Variants in USP9Y observed in about 807,000 individuals in gnomAD.
USP9Y encodes the protein ubiquitin specific peptidase 9 Y-linked, also known as ubiquitin carboxyl-terminal hydrolase 9Y.
In USP9Y, 41 loss-of-function variants were observed where a neutral mutation model predicts 53.1. The ratio of observed to expected loss-of-function variants is 0.77; its 90% CI spans 0.60 to 1.00. USP9Y has a LOEUF of 1.00. Ranked by LOEUF, USP9Y falls within the 50% of genes least tolerant of loss-of-function variation. The pLI is 0.00. For synonymous variants in USP9Y, 220 were observed against 173.7 expected, an observed-to-expected ratio of 1.27 and a Z score of -2.09; for missense variants, 567 against 535.8, an observed-to-expected ratio of 1.06 and a Z score of -0.58.
Position 12,860,097 on chromosome Y carries a change from C to T in USP9Y, c.*681C>T, listed in dbSNP as rs2053582654. 1 of 33,262 alleles carries T rather than the reference C, an allele frequency of 3.0e-5. No individual in the cohort carries two copies. The highest frequency in any genetic ancestry group is 7.4e-5 in the Non-Finnish European group (1 of 13,499). The allele number at this position is 33,262 out of a possible 400,897, so 8.3% of individuals were successfully genotyped here. A position where few individuals can be genotyped will look rare whatever the true frequency, so the allele number is the denominator to read the frequency against. On this transcript the variant is annotated 3_prime_UTR_variant, in exon 46 of 46. Transcript: ENST00000338981. ...GGACAGAATTACATGAATGACAGTGCCCAGAGTGACAGCTGTATATTGCTC... is the reference window on the plus strand; with the variant it reads ...GGACAGAATTACATGAATGACAGTGTCCAGAGTGACAGCTGTATATTGCTC...
intron 7 of USP9Y, among the ~76,000 whole-genome samples, chrY:12,733,295 A>G (rs746779298): frequency 3.6e-5 from 1 of 27,547 alleles, no homozygotes; most frequent in South Asian, 8.3e-4. Flanking sequence ...AAAAAAAAAG[A>G]TTTATTTTAT....
chrY:12,826,208 G>A, intron 33 of USP9Y, among the ~76,000 whole-genome samples: 5 of 31,488 alleles, frequency 1.6e-4, no homozygotes, highest in African/African-American at 6.2e-4. Flanking sequence ...AAAGCGCTGG[G>A]ATTACAGGCA....
chrY:12,745,429 T>C (rs2053460054), intron 12 of USP9Y, among the ~76,000 whole-genome samples: 1 of 33,080 alleles, frequency 3.0e-5, no homozygotes, highest in Non-Finnish European at 7.4e-5. Context: ...GAGCATGGTG[T>C]TCCTAGGGCT....
rs2053416188 is a variant in USP9Y at position 12,701,803 on chromosome Y, A to G, written c.-373A>G. ...GGAAACAGTTTAAAGGATATATGTG[A>G]TACTATTAATAGAATGAGGAAGACA... On this transcript the variant is annotated 5_prime_UTR_variant, in exon 1 of 46. An upstream open reading frame in the 5' UTR loses its in-frame stop. Transcript: ENST00000338981. 1 of 33,683 alleles carries G rather than the reference A, an allele frequency of 3.0e-5. No homozygotes were observed. Among genetic ancestry groups the G allele is most frequent in the African/African-American group, 1.2e-4 (1 of 8,571 alleles). The allele number at this position is 33,683 out of a possible 400,897, so 8.4% of individuals were successfully genotyped here. A position where few individuals can be genotyped will look rare whatever the true frequency, so the allele number is the denominator to read the frequency against.
intron 4 of USP9Y, 45 bp downstream of exon 4, chrY:12,720,782 GA>G: frequency 2.6e-6 from 1 of 379,356 alleles, no homozygotes; most frequent in Admixed American, 7.5e-5. Context: ...CAGTAAACTA[GA>G]AAAGCAAAAC....
intron 14 of USP9Y, among the ~76,000 whole-genome samples, chrY:12,760,278 T>C (rs2053473982): frequency 2.9e-5 from 1 of 34,218 alleles, no homozygotes; most frequent in Admixed American, 2.6e-4. Context: ...ATAAGAATAC[T>C]GAAATGGATA....
chrY:12,813,785 T>C (rs2053533389), intron 31 of USP9Y, among the ~76,000 whole-genome samples: 3 of 34,195 alleles, frequency 8.8e-5, no homozygotes, highest in African/African-American at 3.4e-4. Context: ...GAAGGTCAGA[T>C]GTTTTTTTGT....
At chrY:12,760,446 A>G in intron 14 of USP9Y, 38 bp from the exon 15 acceptor site, 1 of 393,427 alleles carries the variant, frequency 2.5e-6, no homozygotes, top group East Asian at 9.4e-5. Flanking sequence ...AGCAATTTTC[A>G]TGTGCCTTAT....
intron 33 of USP9Y, among the ~76,000 whole-genome samples, chrY:12,826,705 G>GAAA (rs782619044): frequency 1.2e-4 from 1 of 8,540 alleles, no homozygotes; most frequent in Non-Finnish European, 2.3e-4. Context: ...AATGAAGTTG[G>GAAA]AAAAAAAAAA....
chrY:12,856,275 A>G, intron 42 of USP9Y, 65 bp from the exon 43 acceptor site: 1 of 311,934 alleles, frequency 3.2e-6, no homozygotes, highest in Non-Finnish European at 4.8e-6. Context: ...AATGGCACAT[A>G]ATTAGGAACT....
chrY:12,828,303 C>T (rs2148290821), intron 33 of USP9Y, among the ~76,000 whole-genome samples: 2 of 33,503 alleles, frequency 6.0e-5, no homozygotes, highest in East Asian at 1.6e-3. Flanking sequence ...GTTAGATGCA[C>T]GGTTTCTAAA....
At chrY:12,738,861 A>C (rs2053454526) in intron 11 of USP9Y, among the ~76,000 whole-genome samples, 17 of 33,629 alleles carry the variant, frequency 5.1e-4, no homozygotes. Flanking sequence ...TAAATGAAAG[A>C]TCTATATAGC....
intron 12 of USP9Y, among the ~76,000 whole-genome samples, chrY:12,752,541 C>T (rs765076165): frequency 1.8e-4 from 6 of 32,716 alleles, no homozygotes; most frequent in Admixed American, 1.7e-3. Flanking sequence ...AATTTTGCAT[C>T]TTCCTTCTCC....
At chrY:12,828,324 G>T (rs2053548383) in intron 33 of USP9Y, among the ~76,000 whole-genome samples, 1 of 33,746 alleles carries the variant, frequency 3.0e-5, no homozygotes, top group Non-Finnish European at 7.4e-5. Context: ...AATAATTTTG[G>T]AAGTTGAAGT....
intron 12 of USP9Y, among the ~76,000 whole-genome samples, chrY:12,740,153 A>G: frequency 3.0e-5 from 1 of 33,746 alleles, no homozygotes; most frequent in Non-Finnish European, 7.4e-5. Flanking sequence ...TAAATATTTC[A>G]GTAAATAGTA....
intron 27 of USP9Y, among the ~76,000 whole-genome samples, chrY:12,793,925 T>C: frequency 9.0e-5 from 3 of 33,408 alleles, no homozygotes; most frequent in Admixed American, 5.5e-4. Flanking sequence ...ATTTCTACCT[T>C]TTAGCTCTTG....
intron 45 of USP9Y, among the ~76,000 whole-genome samples, chrY:12,857,930 A>G: frequency 3.0e-5 from 1 of 33,323 alleles, no homozygotes; most frequent in African/African-American, 1.2e-4. Flanking sequence ...TGCCATTGTG[A>G]TATGTTCTTT....
intron 27 of USP9Y, among the ~76,000 whole-genome samples, chrY:12,804,768 G>T (rs933153762): frequency 8.3e-4 from 27 of 32,674 alleles, no homozygotes; most frequent in Admixed American, 2.0e-3. Flanking sequence ...GGCCAGTCTG[G>T]CCAACATGGT....
intron 33 of USP9Y, among the ~76,000 whole-genome samples, chrY:12,829,219 G>A (rs776509974): frequency 2.9e-5 from 1 of 34,004 alleles, no homozygotes; most frequent in African/African-American, 1.1e-4. Flanking sequence ...CTTCCACTGC[G>A]TGATTTCAAG....
Sources: allele counts gnomAD v4.1 joint callset (sites outside exome capture counted in the v4.1 genomes callset), GRCh38; gene constraint gnomAD v4.1.1; transcripts MANE v1.5; gene names NCBI Gene and HGNC (gene_info 2026-07-23, HGNC 2026-07-21).